The following FBXO31 variants were observed in gnomAD, a reference collection of about 807,000 sequenced individuals.
FBXO31 encodes the protein F-box protein 31.
FBXO31 carries 24 observed loss-of-function variants against 54.4 expected under a neutral mutation model. The ratio of observed to expected loss-of-function variants is 0.44; its 90% confidence interval spans 0.32 to 0.62. FBXO31 has a LOEUF of 0.62. Among genes scored for constraint, FBXO31 ranks in the 20% least tolerant of loss-of-function variants. The probability of loss-of-function intolerance (pLI) is 0.05; values close to 1 mark genes in which losing one functional copy is unlikely to be tolerated. For synonymous variants in FBXO31, 388 were observed against 335.6 expected, an observed-to-expected ratio of 1.16 and a Z score of -1.71; for missense variants, 665 against 787.1, an observed-to-expected ratio of 0.84 and a Z score of 1.86.
At chr16:87,372,834 G>A (rs117406896) in intron 1 of FBXO31, among the ~76,000 whole-genome samples, 1,614 of 151,122 alleles carry the variant, frequency 0.011, 8 homozygotes, top group Non-Finnish European at 0.017. Flanking sequence ...CTGGGTTCAA[G>A]CACTTAGTTC....
intron 1 of FBXO31, among the ~76,000 whole-genome samples, chr16:87,382,904 G>A (rs1907146329): frequency 6.6e-6 from 1 of 152,174 alleles, no homozygotes; most frequent in South Asian, 2.1e-4. Context: ...CCTAAGTGCT[G>A]AGATTACAGG....
In FBXO31 at chr16:87,338,288, C is replaced by T. The variant is rs948360888; in HGVS notation, c.733-2024G>A. ...ACATGCACGACAACGATCAACTTCA[C>T]GTTGACCCAGGGCCTGCTCACTCAA... is the stretch of plus-strand genomic sequence containing the variant. On this transcript the variant is annotated intron_variant, in intron 5 of 8. Coordinates refer to ENST00000311635, the MANE Select transcript of FBXO31 (RefSeq NM_024735.5). The surrounding 1 kb of genome is among the most constrained non-coding windows in gnomAD (Gnocchi z 4.3). Among the ~76,000 whole-genome samples, 6 of 151,910 alleles carry T rather than the reference C, an allele frequency of 3.9e-5. No individual in the cohort carries two copies. Among genetic ancestry groups the T allele is most frequent in the Non-Finnish European group, 8.8e-5 (6 of 67,998 alleles).
intron 2 of FBXO31, among the ~76,000 whole-genome samples, chr16:87,359,414 T>C (rs1006100406): frequency 3.3e-5 from 5 of 152,156 alleles, no homozygotes; most frequent in Admixed American, 1.3e-4. Context: ...TACACTCCTA[T>C]GGCTGTTACA....
intron 2 of FBXO31, among the ~76,000 whole-genome samples, chr16:87,347,680 CAAAAAAAAAAA>C (rs34496343): frequency 1.7e-5 from 1 of 58,994 alleles, no homozygotes; most frequent in African/African-American, 6.6e-5. Flanking sequence ...ACTCAGTCTC[CAAAAAAAAAAA>C]AAAAAAAAAA....
At chr16:87,369,367 C>T (rs1906501024) in intron 1 of FBXO31, among the ~76,000 whole-genome samples, 2 of 152,104 alleles carry the variant, frequency 1.3e-5, no homozygotes, top group Admixed American at 1.3e-4. Context: ...GTCCTCGGCA[C>T]CCACCATTCT....
chr16:87,336,070 T>C lies in FBXO31; in HGVS notation c.842+85A>G. 8.8e-7 allele frequency: 1 copy of C among 1,134,826 alleles called. No homozygotes were observed. The highest frequency in any genetic ancestry group is 1.3e-6 in the Non-Finnish European group (1 of 775,100). The allele number at this position is 1,134,826 out of a possible 1,614,324, so 70.3% of individuals were successfully genotyped here. ...CAGCACCCACTGAGACAAAGGACTATGCCCCAGCACCCACCGGGACAGGGC... is the reference window on the plus strand; with the variant it reads ...CAGCACCCACTGAGACAAAGGACTACGCCCCAGCACCCACCGGGACAGGGC... On this transcript the variant is annotated intron_variant, in intron 6 of 8. Transcript: ENST00000311635. This position sits in a 1 kb window ranked among gnomAD's most constrained non-coding sequence, Gnocchi z 6.5.
At chr16:87,347,943 A>G (rs1905466756) in intron 2 of FBXO31, among the ~76,000 whole-genome samples, 1 of 152,198 alleles carries the variant, frequency 6.6e-6, no homozygotes, top group African/African-American at 2.4e-5. Context: ...ACAATGTCAC[A>G]CTCGCTGAAG....
In FBXO31 at chr16:87,331,257, A is replaced by C. The variant is rs2150666359; in HGVS notation, c.*31T>G. 3,506 of 1,365,392 alleles carry C rather than the reference A, an allele frequency of 2.6e-3. No homozygotes were observed. Among genetic ancestry groups the C allele is most frequent in the Non-Finnish European group, 3.3e-3 (3,177 of 958,100 alleles). The allele number at this position is 1,365,392 out of a possible 1,614,324, so 84.6% of individuals were successfully genotyped here. A position where few individuals can be genotyped will look rare whatever the true frequency, so the allele number is the denominator to read the frequency against. On this transcript the variant is annotated 3_prime_UTR_variant, in exon 9 of 9. Coordinates refer to ENST00000311635, the MANE Select transcript of FBXO31 (RefSeq NM_024735.5). ...GGTCAGAGTTCAGAGCCCCAGAGCC[A>C]CCCGGGATGTGGCGGCAAGGATGTG...
Position 87,383,382 on chromosome 16 carries a change from C to A in FBXO31, c.340+23G>T. ...GGCAGGGACCCCCCGCCCCTCCCGG[C>A]CCCGCCACCCCCGCGCGCTCACCCT... is the stretch of plus-strand genomic sequence containing the variant. On this transcript the variant is annotated intron_variant, in intron 1 of 8. Transcript: ENST00000311635. This position sits in a 1 kb window ranked among gnomAD's most constrained non-coding sequence, Gnocchi z 4.9. 1 of 1,497,928 alleles carries A rather than the reference C, an allele frequency of 6.7e-7. No homozygotes were observed. Among genetic ancestry groups the A allele is most frequent in the African/African-American group, 1.5e-5 (1 of 68,758 alleles). 92.8% of individuals were successfully genotyped at this position (1,497,928 alleles called of 1,614,324 possible).
At chr16:87,339,159 G>C (rs1905119537) in intron 5 of FBXO31, among the ~76,000 whole-genome samples, 1 of 152,202 alleles carries the variant, frequency 6.6e-6, no homozygotes, top group South Asian at 2.1e-4. Context: ...GACTAATACA[G>C]TGCTGATCCA....
At chr16:87,341,746 G>A (rs943018112) in intron 5 of FBXO31, among the ~76,000 whole-genome samples, 10 of 150,406 alleles carry the variant, frequency 6.6e-5, no homozygotes, top group Non-Finnish European at 1.3e-4. Context: ...TAAAATAACA[G>A]CATAATTAAA....
chr16:87,378,342 C>T (rs1597379685), intron 1 of FBXO31, among the ~76,000 whole-genome samples: 2 of 152,028 alleles, frequency 1.3e-5, no homozygotes, highest in African/African-American at 4.8e-5. Flanking sequence ...TAAAATGGCA[C>T]AAAATAAAAA....
chr16:87,351,120 C>T (rs1014348280), intron 2 of FBXO31, among the ~76,000 whole-genome samples: 2 of 152,216 alleles, frequency 1.3e-5, no homozygotes, highest in African/African-American at 4.8e-5. Context: ...GGGACACAGA[C>T]TTCCTCGTGG....
At chr16:87,332,980 C>A (rs931516755) in intron 8 of FBXO31, among the ~76,000 whole-genome samples, 38 of 152,342 alleles carry the variant, frequency 2.5e-4, no homozygotes, top group African/African-American at 8.7e-4. Context: ...GCTGCACTGT[C>A]CACCAGCCAC....
chr16:87,375,924 G>C (rs1906804691), intron 1 of FBXO31, among the ~76,000 whole-genome samples: 1 of 152,190 alleles, frequency 6.6e-6, no homozygotes, highest in African/African-American at 2.4e-5. Context: ...CCCTCAGCCT[G>C]AGTCACTCCA....
intron 1 of FBXO31, among the ~76,000 whole-genome samples, chr16:87,381,880 C>T (rs888216197): frequency 2.0e-5 from 3 of 151,976 alleles, no homozygotes; most frequent in African/African-American, 7.3e-5. Flanking sequence ...AAAAATTAGC[C>T]GGGCACGGTG....
intron 1 of FBXO31, among the ~76,000 whole-genome samples, chr16:87,365,037 A>ATATATATATATATATATATATATATATC (rs1489132121): frequency 6.6e-5 from 7 of 106,866 alleles, no homozygotes; most frequent in Non-Finnish European, 1.4e-4. Flanking sequence ...ATATATATAT[A>ATATATATATATATATATATATATATATC]TATCAGGCAG....
In FBXO31 at chr16:87,331,116, T is replaced by C. The variant is rs1180923182; in HGVS notation, c.*172A>G. 3 of 616,390 alleles carry C rather than the reference T, an allele frequency of 4.9e-6. No individual in the cohort carries two copies. Among genetic ancestry groups the C allele is most frequent in the African/African-American group, 3.7e-5 (2 of 54,246 alleles). The allele number at this position is 616,390 out of a possible 1,614,324, so 38.2% of individuals were successfully genotyped here. The stretch of plus-strand genomic sequence containing the variant: ...ATCATGGCACTGACAAATATGCAGG[T>C]CTATGTCACACTCTCTACATAAAGT... On this transcript the variant is annotated 3_prime_UTR_variant, in exon 9 of 9. Transcript: ENST00000311635.
rs1907169401 is a variant in FBXO31 at position 87,383,356 on chromosome 16, T to C, written c.340+49A>G. On this transcript the variant is annotated intron_variant, in intron 1 of 8. Coordinates refer to ENST00000311635, the MANE Select transcript of FBXO31 (RefSeq NM_024735.5). The surrounding 1 kb of genome is among the most constrained non-coding windows in gnomAD (Gnocchi z 4.9). The stretch of plus-strand genomic sequence containing the variant: ...CACTCCCAGCTCCGAGGCCTCCACC[T>C]GGCAGGGACCCCCCGCCCCTCCCGG... The C allele has an allele frequency of 5.7e-6, 8 of 1,393,296 alleles. No homozygotes were observed. Among genetic ancestry groups the C allele is most frequent in the Non-Finnish European group, 7.7e-6 (8 of 1,033,754 alleles). The allele number at this position is 1,393,296 out of a possible 1,614,324, so 86.3% of individuals were successfully genotyped here. A position where few individuals can be genotyped will look rare whatever the true frequency, so the allele number is the denominator to read the frequency against.
Sources: gnomAD v4.1 joint callset for allele counts (sites outside exome capture counted in the v4.1 genomes callset) on GRCh38, gnomAD v4.1.1 for gene constraint, Gnocchi (gnomAD v3.1) non-coding constraint, MANE v1.5 for transcripts, NCBI Gene and HGNC (gene_info 2026-07-23, HGNC 2026-07-21) for gene names.